The following CHST6 variants were observed in gnomAD, a reference collection of about 807,000 sequenced individuals.
CHST6 encodes carbohydrate sulfotransferase 6.
For missense variants in CHST6, 698 were observed against 586.2 expected, an observed-to-expected ratio of 1.19 and a Z score of -1.97; for synonymous variants, 309 against 276.4, an observed-to-expected ratio of 1.12 and a Z score of -1.17.
At chr16:75,490,032 G>C (rs1394753034) in intron 1 of CHST6, among the ~76,000 whole-genome samples, 1 of 150,500 alleles carries the variant, frequency 6.6e-6, no homozygotes, top group Non-Finnish European at 1.5e-5. Flanking sequence ...CCAAAAACTA[G>C]CCAGGCGTGG....
intron 1 of CHST6, among the ~76,000 whole-genome samples, chr16:75,494,001 T>C (rs886573459): frequency 6.6e-6 from 1 of 152,146 alleles, no homozygotes; most frequent in African/African-American, 2.4e-5. Context: ...CTCACCACCA[T>C]GCCCAGCTTA....
At chr16:75,492,630 C>T (rs1341257365) in intron 1 of CHST6, among the ~76,000 whole-genome samples, 1 of 152,186 alleles carries the variant, frequency 6.6e-6, no homozygotes, top group African/African-American at 2.4e-5. Flanking sequence ...AGGCAGATCA[C>T]CTTAGGTCAG....
chr16:75,480,292 G>T (rs1249353473), intron 2 of CHST6, among the ~76,000 whole-genome samples: 1 of 152,180 alleles, frequency 6.6e-6, no homozygotes, highest in Admixed American at 6.5e-5. Flanking sequence ...GGCTCCCTGA[G>T]GCTCTTCCAC....
rs747229786 is a variant in CHST6, at chr16:75,479,596, G to C, written c.233C>G (p.Thr78Ser). 4 of 1,612,924 alleles carry C rather than the reference G, an allele frequency of 2.5e-6. No homozygotes were observed. The South Asian group carries it at 3.3e-5, about 13-fold the overall frequency. ...TGCGGCGCTGCCCTGCGACAGGGTG[G>C]TCCACACGTGCCACGCGGGCTCCAT... is the stretch of plus-strand genomic sequence containing the variant. ...YLMEPAWHVW[T>S]TLSQGSAATL... Residue 78 changes from threonine to serine, a missense_variant, in exon 3 of 3, where the codon ACC (threonine) becomes AGC (serine). Thr to Ser is a moderately conservative substitution (Grantham distance 58). Transcript: ENST00000332272.
intron 1 of CHST6, among the ~76,000 whole-genome samples, chr16:75,482,322 G>C (rs2080150981): frequency 1.3e-5 from 2 of 152,204 alleles, no homozygotes; most frequent in Admixed American, 6.5e-5. Flanking sequence ...GCCAAGGCAG[G>C]CAGATCACCT....
At position 75,478,959 on chromosome 16, in the gene CHST6, G is replaced by T. The variant is rs201006404; in HGVS notation, c.870C>A (p.Phe290Leu). 2 of 1,613,086 alleles carry T rather than the reference G, an allele frequency of 1.2e-6. No homozygotes were observed. Among genetic ancestry groups the T allele is most frequent in the East Asian group, 4.5e-5 (2 of 44,878 alleles). The change falls in exon 3 of 3, where the codon TTC becomes TTA. Residue 290 changes from phenylalanine (F) to leucine (L), a missense_variant. By Grantham distance (22) the Phe-to-Leu change is conservative. Coordinates refer to ENST00000332272, the MANE Select transcript of CHST6 (RefSeq NM_021615.5). ...GCTGTGGCGTGAGACTGAGCCCAGTGAAGGCGTAGAGCGCACGGATTTCTG... is the reference window on the plus strand; with the variant it reads ...GCTGTGGCGTGAGACTGAGCCCAGTTAAGGCGTAGAGCGCACGGATTTCTG... ...PLAEIRALYA[F>L]TGLSLTPQLE...
At chr16:75,494,031 G>C (rs2151675896) in intron 1 of CHST6, among the ~76,000 whole-genome samples, 1 of 152,302 alleles carries the variant, frequency 6.6e-6, no homozygotes, top group East Asian at 1.9e-4. Context: ...TTTTAGTAGA[G>C]ATGGGGTTTC....
In CHST6 at chr16:75,479,514, G is replaced by C. The variant is rs748367119; in HGVS notation, c.315C>G (p.Asp105Glu). 76 of 1,612,716 alleles carry C rather than the reference G, an allele frequency of 4.7e-5. No individual in the cohort carries two copies. Among genetic ancestry groups the C allele is most frequent in the Non-Finnish European group, 5.7e-5 (67 of 1,179,822 alleles). ...LVRSVFLCDM[D>E]VFDAYLPWRR... ...GCCAAGGCAGATAGGCATCAAACAC[G>C]TCCATGTCGCACAGGAAGACGGAGC... Residue 105 changes from aspartate (D) to glutamate (E), a missense_variant, in exon 3 of 3, where the codon GAC (aspartate) becomes GAG (glutamate). Transcript: ENST00000332272.
intron 2 of CHST6, among the ~76,000 whole-genome samples, chr16:75,480,710 CCT>C (rs2080131414): frequency 6.6e-6 from 1 of 151,694 alleles, no homozygotes; most frequent in Non-Finnish European, 1.5e-5. Flanking sequence ...GGGTGGATCA[CCT>C]GAAGTCAGAA....
chr16:75,479,402 T>G lies in CHST6; in HGVS notation c.427A>C (p.Ile143Leu). 1 of 1,612,852 alleles carries G rather than the reference T, an allele frequency of 6.2e-7. No homozygotes were observed. Among genetic ancestry groups the G allele is most frequent in the Non-Finnish European group, 8.5e-7 (1 of 1,179,820 alleles). ...GGCTTGCACACGGCCTCGCTGCTGA[T>G]GGCGCCTCGGGGAAAGGCACTGCAG... ...PACSAFPRGA[I>L]SSEAVCKPLC... The change falls in exon 3 of 3, where the codon ATC (isoleucine) becomes CTC (leucine). Residue 143 changes from isoleucine (I) to leucine (L), a missense_variant. By Grantham distance (5) the Ile-to-Leu change is conservative. Transcript: ENST00000332272.
chr16:75,476,804 G>C lies in CHST6; in HGVS notation c.*1837C>G, dbSNP rs939399781. The C allele has an allele frequency of 1.3e-4, 20 of 150,438 alleles. 3 individuals carry two copies. The highest frequency in any genetic ancestry group is 6.0e-4 in the Admixed American group (9 of 15,040). 9.3% of individuals were successfully genotyped at this position (150,438 alleles called of 1,614,324 possible). A position where few individuals can be genotyped will look rare whatever the true frequency, so the allele number is the denominator to read the frequency against. On this transcript the variant is annotated 3_prime_UTR_variant, in exon 3 of 3. Transcript: ENST00000332272. ...CTGTCACCCAGGCTGGAGTGCAATG[G>C]CGTGATCTTGGCTCACTGCAACCTC...
intron 1 of CHST6, among the ~76,000 whole-genome samples, chr16:75,493,460 G>A (rs891249650): frequency 5.3e-5 from 8 of 150,282 alleles, no homozygotes; most frequent in Non-Finnish European, 1.0e-4. Context: ...GCAGTGAGCC[G>A]AGATTATGTC....
In CHST6 at chr16:75,473,795, G is replaced by C. The variant is rs964823464; in HGVS notation, c.*4846C>G. On this transcript the variant is annotated 3_prime_UTR_variant, in exon 3 of 3. Coordinates refer to ENST00000332272, the MANE Select transcript of CHST6 (RefSeq NM_021615.5). ...CAAATTTATTGTATTTTTTAAAAAT[G>C]CTGTGTAAGACAGTGTTCCAAGCCA... 1.3e-5 allele frequency: 2 copies of C among 152,182 alleles called. No individual in the cohort carries two copies. Among genetic ancestry groups the C allele is most frequent in the African/African-American group, 2.4e-5 (1 of 41,456 alleles). 9.4% of individuals were successfully genotyped at this position (152,182 alleles called of 1,614,324 possible).
At chr16:75,487,135 GC>G (rs1567413815) in intron 1 of CHST6, among the ~76,000 whole-genome samples, 1 of 152,206 alleles carries the variant, frequency 6.6e-6, no homozygotes, top group East Asian at 1.9e-4. Context: ...TTCCCCAGTA[GC>G]CCACATGGCT....
Position 75,491,190 on chromosome 16 carries a change from A to AAAAAAATATAT in CHST6, c.-92+3749_-92+3750insATATATTTTTT, listed in dbSNP as rs1206595857. Among the ~76,000 whole-genome samples the AAAAAAATATAT allele has an allele frequency of 6.8e-4, 34 of 50,078 alleles. 1 individual carries two copies. Among genetic ancestry groups the AAAAAAATATAT allele is most frequent in the African/African-American group, 1.3e-3 (12 of 9,136 alleles). The allele number at this position is 50,078 out of a possible 152,430, so 32.9% of individuals were successfully genotyped here. On this transcript the variant is annotated intron_variant, in intron 1 of 2. Transcript: ENST00000332272. ...TAAAAAAAAAAAAAAAAAAAAAAAAAATATATATATATATATATATATATA... is the reference window on the plus strand; with the variant it reads ...TAAAAAAAAAAAAAAAAAAAAAAAAAAAAAAATATATATATATATATATATATATATATATA...
chr16:75,479,027 A>G lies in CHST6; in HGVS notation c.802T>C (p.Tyr268His), dbSNP rs2080102242. The change falls in exon 3 of 3, where the codon TAC becomes CAC. Residue 268 changes from tyrosine to histidine, a missense_variant. Coordinates refer to ENST00000332272, the MANE Select transcript of CHST6 (RefSeq NM_021615.5). ...LKPPPFLRGRYRLVRFEDLAR... is the reference protein window; with the variant it reads ...LKPPPFLRGRHRLVRFEDLAR... ...AGGTCCTCGAAGCGCACCAGGCGGT[A>G]GCGGCCGCGCAGAAAGGGTGGCGGC... 6.2e-7 allele frequency: 1 copy of G among 1,610,076 alleles called. No individual in the cohort carries two copies. Among genetic ancestry groups the G allele is most frequent in the African/African-American group, 1.3e-5 (1 of 74,926 alleles).
rs998129577 is a variant in CHST6, at chr16:75,475,823, A to G, written c.*2818T>C. The G allele has an allele frequency of 7.9e-5, 12 of 152,226 alleles. No homozygotes were observed. The highest frequency in any genetic ancestry group is 2.9e-4 in the African/African-American group (12 of 41,446). 9.4% of individuals were successfully genotyped at this position (152,226 alleles called of 1,614,324 possible). A position where few individuals can be genotyped will look rare whatever the true frequency, so the allele number is the denominator to read the frequency against. The stretch of plus-strand genomic sequence containing the variant: ...GCCATCAATAAAATTTGTGACCTAA[A>G]CAGGGGCAAATGAAGCTTGTTGGGC... On this transcript the variant is annotated 3_prime_UTR_variant, in exon 3 of 3. Coordinates refer to ENST00000332272, the MANE Select transcript of CHST6 (RefSeq NM_021615.5).
Position 75,472,664 on chromosome 16 carries a change from C to T in CHST6, c.*5977G>A, listed in dbSNP as rs2080031036. 1 of 152,210 alleles carries T rather than the reference C, an allele frequency of 6.6e-6. No individual in the cohort carries two copies. The highest frequency in any genetic ancestry group is 1.5e-5 in the Non-Finnish European group (1 of 68,058). 9.4% of individuals were successfully genotyped at this position (152,210 alleles called of 1,614,324 possible). A position where few individuals can be genotyped will look rare whatever the true frequency, so the allele number is the denominator to read the frequency against. On this transcript the variant is annotated 3_prime_UTR_variant, in exon 3 of 3. Transcript: ENST00000332272. The stretch of plus-strand genomic sequence containing the variant: ...GTAGGAGTGGGTGACAAAGGCACAT[C>T]AAAGACAAAGCTAGGGGACACAGGG...
intron 2 of CHST6, among the ~76,000 whole-genome samples, chr16:75,480,785 C>T (rs577011330): frequency 3.4e-4 from 52 of 151,314 alleles, no homozygotes; most frequent in Admixed American, 1.4e-3. Context: ...AAAAATTAGC[C>T]GGGCGTGGTA....
Sources: gnomAD v4.1 joint callset for allele counts (sites outside exome capture counted in the v4.1 genomes callset) on GRCh38, gnomAD v4.1.1 for gene constraint, MANE v1.5 for transcripts, NCBI Gene and HGNC (gene_info 2026-07-23, HGNC 2026-07-21) for gene names.